CBLB: variants seen among roughly 807,000 people sequenced by gnomAD.
CBLB encodes Cbl proto-oncogene B.
CBLB carries 31 observed loss-of-function variants against 104.9 expected under a neutral mutation model. The observed-to-expected ratio is 0.30, with a 90% CI of 0.22 to 0.40. The LOEUF is 0.40. CBLB is among the 10% of genes least tolerant of loss of function. The pLI is 1.00. For synonymous variants in CBLB, 440 were observed against 422.6 expected (o/e 1.04, Z -0.51); for missense variants, 1,062 against 1,214.6 (o/e 0.87, Z 1.87).
At chr3:105,697,057 T>C (rs1204555757) in intron 12 of CBLB, among the ~76,000 whole-genome samples, 2 of 151,926 alleles carry the variant, frequency 1.3e-5, no homozygotes, top group Non-Finnish European at 2.9e-5. Flanking sequence ...ATTTTCTGGA[T>C]GCTTCTCATA....
intron 5 of CBLB, chr3:105,749,766 C>T: frequency 3.3e-6 from 1 of 305,968 alleles, no homozygotes; most frequent in Middle Eastern, 7.7e-4. Context: ...TATCAGAAAC[C>T]TTTAAAGAAA....
At chr3:105,812,885 C>T (rs957814789) in intron 3 of CBLB, among the ~76,000 whole-genome samples, 1 of 152,082 alleles carries the variant, frequency 6.6e-6, no homozygotes, top group Admixed American at 6.6e-5. Context: ...TCAACTTAGT[C>T]ATCTTAGGCC....
intron 18 of CBLB, among the ~76,000 whole-genome samples, chr3:105,668,426 A>G (rs2064708967): frequency 6.6e-6 from 1 of 152,210 alleles, no homozygotes; most frequent in African/African-American, 2.4e-5. Flanking sequence ...ACTAAAGTAT[A>G]GGTTTCTTTT....
chr3:105,852,906 A>G (rs376475317), intron 3 of CBLB, among the ~76,000 whole-genome samples: 15 of 152,118 alleles, frequency 9.9e-5, no homozygotes, highest in African/African-American at 3.4e-4. Flanking sequence ...TAGTAGAGAC[A>G]GGGTTTCTCC....
At chr3:105,830,709 T>C (rs571392311) in intron 3 of CBLB, among the ~76,000 whole-genome samples, 2 of 152,332 alleles carry the variant, frequency 1.3e-5, no homozygotes, top group South Asian at 2.1e-4. Context: ...GTAAGACACA[T>C]GCCATGTAAT....
rs920520264 is a variant in CBLB, at chr3:105,868,989, G to T, written c.-268C>A. ...GCGGGACGCCGCAGCAGCACTAGCA[G>T]GAGGAGGAGACCGCTCGCTGGACAC... On this transcript the variant is annotated 5_prime_UTR_variant, in exon 1 of 19. The change creates a new upstream start codon in the 5' untranslated region. Transcript: ENST00000394030. 1 of 1,051,096 alleles carries T rather than the reference G, an allele frequency of 9.5e-7. No individual in the cohort carries two copies. The highest frequency in any genetic ancestry group is 1.7e-5 in the African/African-American group (1 of 57,506). 65.1% of individuals were successfully genotyped at this position (1,051,096 alleles called of 1,614,324 possible). A position where few individuals can be genotyped will look rare whatever the true frequency, so the allele number is the denominator to read the frequency against.
intron 18 of CBLB, among the ~76,000 whole-genome samples, chr3:105,664,257 T>C (rs2064128877): frequency 6.6e-6 from 1 of 152,220 alleles, no homozygotes; most frequent in African/African-American, 2.4e-5. Context: ...TGTGAAAGTT[T>C]TCTAGTATAT....
intron 3 of CBLB, among the ~76,000 whole-genome samples, chr3:105,779,586 T>C (rs887034421): frequency 2.4e-4 from 36 of 152,178 alleles, no homozygotes; most frequent in African/African-American, 8.4e-4. Flanking sequence ...TAAATAATCA[T>C]CTTAGAAATC....
chr3:105,824,965 C>T (rs2086378505), intron 3 of CBLB, among the ~76,000 whole-genome samples: 6 of 152,114 alleles, frequency 3.9e-5, no homozygotes, highest in Admixed American at 3.9e-4. Flanking sequence ...GTACCTAGAG[C>T]GTTACTATAA....
intron 3 of CBLB, among the ~76,000 whole-genome samples, chr3:105,785,574 T>A (rs1485357431): frequency 6.6e-6 from 1 of 152,188 alleles, no homozygotes; most frequent in Non-Finnish European, 1.5e-5. Flanking sequence ...CCCGTCACAC[T>A]AATTGTTCCC....
Position 105,680,705 on chromosome 3 carries a change from G to A in CBLB, c.2428+774C>T, listed in dbSNP as rs186438207. Among the ~76,000 whole-genome samples, 71 of 152,314 alleles carry A rather than the reference G, an allele frequency of 4.7e-4. 1 individual carries two copies. Among genetic ancestry groups the A allele is most frequent in the African/African-American group, 1.7e-3 (70 of 41,580 alleles). ...GAAAGGTTCATTTCGTATTTCTGGT[G>A]GCCTAACAGCCAGTTCAGAAAAGCT... On this transcript the variant is annotated intron_variant, in intron 16 of 18. Transcript: ENST00000394030.
At chr3:105,702,939 C>A (rs1008217973) in intron 11 of CBLB, among the ~76,000 whole-genome samples, 4 of 152,046 alleles carry the variant, frequency 2.6e-5, no homozygotes, top group African/African-American at 9.7e-5. Context: ...TGTGATACAG[C>A]AAAACTGATA....
intron 6 of CBLB, among the ~76,000 whole-genome samples, chr3:105,741,837 A>G (rs774869721): frequency 1.3e-5 from 2 of 152,248 alleles, no homozygotes; most frequent in Non-Finnish European, 2.9e-5. Flanking sequence ...AAAAAATAGT[A>G]ACTTTTCTTT....
intron 4 of CBLB, among the ~76,000 whole-genome samples, chr3:105,770,585 T>C (rs2078755494): frequency 2.0e-5 from 3 of 152,058 alleles, no homozygotes; most frequent in Admixed American, 6.5e-5. Flanking sequence ...GTGGAACAAA[T>C]TCCCTTGAAC....
At chr3:105,805,798 C>T (rs1174806967) in intron 3 of CBLB, among the ~76,000 whole-genome samples, 1 of 152,062 alleles carries the variant, frequency 6.6e-6, no homozygotes, top group Admixed American at 6.5e-5. Flanking sequence ...TCTCTGAAGC[C>T]GCATACCACT....
intron 2 of CBLB, among the ~76,000 whole-genome samples, chr3:105,863,169 T>C (rs954950844): frequency 6.6e-6 from 1 of 152,218 alleles, no homozygotes; most frequent in South Asian, 2.1e-4. Context: ...GAATGCCTTA[T>C]ATCACAGGGA....
intron 3 of CBLB, among the ~76,000 whole-genome samples, chr3:105,800,484 C>CT (rs2082723747): frequency 6.6e-6 from 1 of 152,164 alleles, no homozygotes; most frequent in Non-Finnish European, 1.5e-5. Flanking sequence ...TACCAAAGCA[C>CT]TGGTATTGCT....
chr3:105,660,245 C>G (rs911669392), intron 18 of CBLB, among the ~76,000 whole-genome samples: 1 of 152,082 alleles, frequency 6.6e-6, no homozygotes, highest in Non-Finnish European at 1.5e-5. Flanking sequence ...AGTGCAATGG[C>G]GTAGTCTCAG....
chr3:105,764,766 G>A (rs2078033332), intron 4 of CBLB, among the ~76,000 whole-genome samples: 1 of 152,178 alleles, frequency 6.6e-6, no homozygotes, highest in Non-Finnish European at 1.5e-5. Flanking sequence ...AGTTGTGAAT[G>A]GAAAGGAGAA....
Sources: allele counts gnomAD v4.1 joint callset (sites outside exome capture counted in the v4.1 genomes callset), GRCh38; gene constraint gnomAD v4.1.1; transcripts MANE v1.5; gene names NCBI Gene and HGNC (gene_info 2026-07-23, HGNC 2026-07-21).